Variants in ADK observed in about 807,000 individuals in gnomAD.
ADK encodes the protein N6,N6-dimethyladenosine kinase.
A neutral mutation model predicts 44.7 loss-of-function variants in ADK; 24 were observed. That is an observed-to-expected ratio of 0.54 (90% CI 0.39 to 0.76). The LOEUF (loss-of-function observed/expected upper bound fraction) is 0.76, where lower values mean the gene tolerates loss of function less well. Among genes scored for constraint, ADK ranks in the 30% least tolerant of loss-of-function variants. The pLI is 0.00. For missense variants in ADK, 321 were observed against 425.1 expected (o/e 0.76, Z 2.15); for synonymous variants, 128 against 142.6 (o/e 0.90, Z 0.73).
chr10:74,369,527 A>G (rs1185783329), intron 4 of ADK, among the ~76,000 whole-genome samples: 1 of 152,222 alleles, frequency 6.6e-6, no homozygotes, highest in Non-Finnish European at 1.5e-5. Flanking sequence ...TAAAATAATG[A>G]TTAAAGAAAA....
intron 6 of ADK, among the ~76,000 whole-genome samples, chr10:74,437,121 A>G (rs1845201880): frequency 6.6e-6 from 1 of 152,192 alleles, no homozygotes; most frequent in Admixed American, 6.5e-5. Flanking sequence ...AAGCAAGTGA[A>G]AAAAGAAAAG....
At chr10:74,198,047 G>A (rs1843229046) in intron 1 of ADK, among the ~76,000 whole-genome samples, 1 of 152,050 alleles carries the variant, frequency 6.6e-6, no homozygotes, top group Admixed American at 6.6e-5. Flanking sequence ...GCTTACAAAC[G>A]GTGATAAAAA....
intron 10 of ADK, among the ~76,000 whole-genome samples, chr10:74,685,553 G>A (rs1266204550): frequency 1.3e-5 from 2 of 152,170 alleles, no homozygotes; most frequent in East Asian, 1.9e-4. Context: ...CACCTCTAGA[G>A]CTTGCTCTTC....
chr10:74,466,111 G>A (rs1158936819), intron 6 of ADK, among the ~76,000 whole-genome samples: 1 of 151,858 alleles, frequency 6.6e-6, no homozygotes, highest in Non-Finnish European at 1.5e-5. Context: ...CCCCTTCTTG[G>A]CAAACTTGTC....
intron 1 of ADK, among the ~76,000 whole-genome samples, chr10:74,177,936 TATATA>T (rs1482708263): frequency 1.1e-5 from 1 of 92,606 alleles, no homozygotes; most frequent in African/African-American, 4.4e-5. Context: ...TATATATATA[TATATA>T]TATATTTTTT....
intron 7 of ADK, among the ~76,000 whole-genome samples, chr10:74,578,710 A>G (rs1167500879): frequency 2.0e-5 from 3 of 152,204 alleles, no homozygotes; most frequent in African/African-American, 4.8e-5. Flanking sequence ...GTGAAGATGT[A>G]TTAGCTATAC....
chr10:74,228,808 TA>T (rs1394982322), intron 3 of ADK, among the ~76,000 whole-genome samples: 5 of 152,178 alleles, frequency 3.3e-5, no homozygotes, highest in Non-Finnish European at 5.9e-5. Context: ...TGTCTGGAGT[TA>T]GGGGTGAATT....
intron 9 of ADK, among the ~76,000 whole-genome samples, chr10:74,607,462 A>C (rs775401700): frequency 6.6e-6 from 1 of 152,182 alleles, no homozygotes; most frequent in Non-Finnish European, 1.5e-5. Context: ...CTTGTCTTTA[A>C]AGGATTTTAT....
At chr10:74,653,008 C>A (rs11001095) in intron 9 of ADK, among the ~76,000 whole-genome samples, 11,492 of 152,234 alleles carry the variant, frequency 0.075, 538 homozygotes, top group Middle Eastern at 0.16. Context: ...CTACCCGTCA[C>A]TATTATTGAC....
intron 3 of ADK, among the ~76,000 whole-genome samples, chr10:74,302,015 C>T (rs1840048378): frequency 6.6e-6 from 1 of 150,876 alleles, no homozygotes; most frequent in Non-Finnish European, 1.5e-5. Context: ...CCTATAGTAA[C>T]TGAATGACTT....
chr10:74,473,493 C>T (rs1445007086), intron 6 of ADK, among the ~76,000 whole-genome samples: 1 of 152,174 alleles, frequency 6.6e-6, no homozygotes, highest in African/African-American at 2.4e-5. Flanking sequence ...CTTGACATTT[C>T]ATTGTCATGT....
intron 6 of ADK, among the ~76,000 whole-genome samples, chr10:74,426,805 T>A (rs937810421): frequency 6.6e-6 from 1 of 152,118 alleles, no homozygotes; most frequent in Non-Finnish European, 1.5e-5. Context: ...ATTTTTTTAT[T>A]ATTATACTTT....
intron 9 of ADK, among the ~76,000 whole-genome samples, chr10:74,631,731 C>T (rs1386588224): frequency 4.6e-5 from 7 of 152,092 alleles, no homozygotes; most frequent in Non-Finnish European, 7.4e-5. Flanking sequence ...CACAACCACA[C>T]ATCCTGGTTA....
intron 2 of ADK, among the ~76,000 whole-genome samples, chr10:74,218,998 G>A (rs935203818): frequency 8.6e-5 from 13 of 151,968 alleles, no homozygotes; most frequent in Admixed American, 3.3e-4. Flanking sequence ...ATAATGACAG[G>A]TTCAAATTCA....
chr10:74,235,591 A>C (rs891060878), intron 3 of ADK, among the ~76,000 whole-genome samples: 10 of 152,210 alleles, frequency 6.6e-5, no homozygotes, highest in African/African-American at 2.4e-4. Flanking sequence ...GGCGTGAGCC[A>C]CTGCACCCTG....
chr10:74,708,212 A>G, intron 10 of ADK, 109 bp from the exon 11 acceptor site: 1 of 1,276,708 alleles, frequency 7.8e-7, no homozygotes, highest in Non-Finnish European at 1.1e-6. Context: ...TCTTACTGTC[A>G]AGGCTGAAGA....
intron 6 of ADK, among the ~76,000 whole-genome samples, chr10:74,492,322 T>C (rs1055488947): frequency 3.9e-5 from 6 of 152,096 alleles, no homozygotes; most frequent in African/African-American, 1.4e-4. Context: ...TTACATTTAG[T>C]TGTCATCTCT....
chr10:74,433,741 A>T (rs1425193098), intron 6 of ADK, among the ~76,000 whole-genome samples: 1 of 152,210 alleles, frequency 6.6e-6, no homozygotes, highest in Non-Finnish European at 1.5e-5. Flanking sequence ...TATTAAAGGA[A>T]TTGTTGACTT....
chr10:74,572,048 G>A (rs1481284151), intron 7 of ADK, among the ~76,000 whole-genome samples: 1 of 152,122 alleles, frequency 6.6e-6, no homozygotes. Flanking sequence ...CTGTCATTAT[G>A]ATGTTAGCTG....
Sources: allele counts gnomAD v4.1 joint callset (sites outside exome capture counted in the v4.1 genomes callset), GRCh38; gene constraint gnomAD v4.1.1; transcripts MANE v1.5; gene names NCBI Gene and HGNC (gene_info 2026-07-23, HGNC 2026-07-21).